FGGY: variants seen among roughly 807,000 people sequenced by gnomAD.
The protein encoded by FGGY is FGGY carbohydrate kinase domain-containing protein.
FGGY carries 72 observed loss-of-function variants against 71.3 expected under a neutral mutation model. The observed-to-expected ratio is 1.01, with a 90% confidence interval of 0.84 to 1.23. FGGY has a LOEUF of 1.23. Among genes scored for constraint, FGGY ranks in the 50% most tolerant of loss-of-function variants. The pLI is 0.00. For missense variants in FGGY, 668 were observed against 682.3 expected (o/e 0.98, Z 0.23); for synonymous variants, 251 against 250.3 (o/e 1.00, Z -0.02).
intron 14 of FGGY, among the ~76,000 whole-genome samples, chr1:59,740,108 G>T (rs1485616218): frequency 6.6e-6 from 1 of 152,208 alleles, no homozygotes; most frequent in Non-Finnish European, 1.5e-5. Flanking sequence ...CTAAGAGGTT[G>T]TAATGGCTCC....
intron 4 of FGGY, among the ~76,000 whole-genome samples, chr1:59,365,430 C>G (rs187224095): frequency 1.3e-5 from 2 of 152,340 alleles, no homozygotes; most frequent in Admixed American, 1.3e-4. Flanking sequence ...CCAAAGCCTT[C>G]TCTTCCTATT....
chr1:59,746,156 GA>G (rs2098195395), intron 14 of FGGY, among the ~76,000 whole-genome samples: 1 of 152,192 alleles, frequency 6.6e-6, no homozygotes, highest in East Asian at 1.9e-4. Flanking sequence ...CATAGGGACA[GA>G]AACAAGAGGC....
intron 4 of FGGY, among the ~76,000 whole-genome samples, chr1:59,365,148 G>A (rs916850540): frequency 2.0e-5 from 3 of 152,198 alleles, no homozygotes; most frequent in Non-Finnish European, 2.9e-5. Context: ...GTTATTCAGC[G>A]TGTAGTTGGT....
chr1:59,394,266 A>G lies in FGGY; in HGVS notation c.554+15429A>G, dbSNP rs1182755175. On this transcript the variant is annotated intron_variant, in intron 5 of 15. Coordinates refer to ENST00000303721, the MANE Select transcript of FGGY (RefSeq NM_018291.5). ...TGTTTTTAAACTTTTTTCTTACTGTAAATAAATATCACTATTGTACTTAAT... is the reference window on the plus strand; with the variant it reads ...TGTTTTTAAACTTTTTTCTTACTGTGAATAAATATCACTATTGTACTTAAT... 6.6e-5 allele frequency among the ~76,000 whole-genome samples: 10 copies of G among 152,234 alleles called. No individual in the cohort carries two copies. In the East Asian group the frequency reaches 1.9e-3, roughly 29 times the overall value.
At chr1:59,444,472 A>T (rs1212242888) in intron 5 of FGGY, among the ~76,000 whole-genome samples, 1 of 152,084 alleles carries the variant, frequency 6.6e-6, no homozygotes, top group East Asian at 1.9e-4. Flanking sequence ...AACTGTAGTC[A>T]TCTTACAGTG....
chr1:59,448,336 AAAG>A (rs1175945772), intron 5 of FGGY, among the ~76,000 whole-genome samples: 3 of 152,134 alleles, frequency 2.0e-5, no homozygotes, highest in Admixed American at 6.5e-5. Context: ...TTGAAATAGG[AAAG>A]AAGGTCTGCT....
chr1:59,699,236 A>G, intron 14 of FGGY: 1 of 985,336 alleles, frequency 1.0e-6, no homozygotes, highest in Non-Finnish European at 1.2e-6. Context: ...TGGCTAAAAA[A>G]TGATATTTTT....
At chr1:59,687,426 A>G (rs2097552416) in intron 14 of FGGY, among the ~76,000 whole-genome samples, 1 of 151,260 alleles carries the variant, frequency 6.6e-6, no homozygotes, top group African/African-American at 2.4e-5. Flanking sequence ...GGCTTCAACA[A>G]CCTGTTGGGC....
chr1:59,710,809 A>G (rs925579573), intron 14 of FGGY, among the ~76,000 whole-genome samples: 22 of 152,158 alleles, frequency 1.4e-4, no homozygotes, highest in Non-Finnish European at 1.2e-4. Flanking sequence ...TGGAGAGGAT[A>G]TGGAGAAATA....
At chr1:59,418,523 G>A (rs1423201454) in intron 5 of FGGY, among the ~76,000 whole-genome samples, 6 of 152,114 alleles carry the variant, frequency 3.9e-5, no homozygotes, top group Admixed American at 3.3e-4. Flanking sequence ...GGGCATAGGC[G>A]ATGAGGCAAG....
chr1:59,576,741 C>T (rs971611940), intron 8 of FGGY, among the ~76,000 whole-genome samples: 2 of 150,974 alleles, frequency 1.3e-5, no homozygotes, highest in Non-Finnish European at 3.0e-5. Flanking sequence ...AGTAAATGAT[C>T]TTCCAAAGCA....
intron 6 of FGGY, among the ~76,000 whole-genome samples, chr1:59,503,506 T>C (rs1015653279): frequency 8.0e-5 from 12 of 150,936 alleles, no homozygotes; most frequent in Admixed American, 7.9e-4. Context: ...ATCTTGCCAC[T>C]GTAGCATCTG....
intron 5 of FGGY, among the ~76,000 whole-genome samples, chr1:59,420,286 C>T (rs570862531): frequency 6.6e-6 from 1 of 152,138 alleles, no homozygotes; most frequent in East Asian, 1.9e-4. Flanking sequence ...GATCAATGTC[C>T]AGAGGGAATT....
chr1:59,328,501 A>G (rs2047841838), intron 2 of FGGY, among the ~76,000 whole-genome samples: 1 of 152,220 alleles, frequency 6.6e-6, no homozygotes, highest in Admixed American at 6.5e-5. Context: ...TCTTCTATCT[A>G]GACCACTCAA....
intron 2 of FGGY, among the ~76,000 whole-genome samples, chr1:59,326,318 T>C (rs1286035002): frequency 6.6e-6 from 1 of 152,188 alleles, no homozygotes; most frequent in East Asian, 1.9e-4. Context: ...AAAGTACCAT[T>C]TTGTTCTGTC....
rs200794536 is a variant in FGGY, at chr1:59,612,337, A to G, written c.1011+4427A>G. On this transcript the variant is annotated intron_variant, in intron 9 of 15. Transcript: ENST00000303721. Reference sequence around the variant, plus strand: ...ACAAGCCAGAAGAGAGTGGGGGCCAATATTCAACATTCTTAAAGAAAAGAA... The same window carrying G: ...ACAAGCCAGAAGAGAGTGGGGGCCAGTATTCAACATTCTTAAAGAAAAGAA... Among the ~76,000 whole-genome samples the G allele has an allele frequency of 1.4e-3, 211 of 152,356 alleles. 3 individuals carry two copies. In the East Asian group the frequency reaches 0.038, roughly 27 times the overall value.
chr1:59,595,122 C>T (rs986804949), intron 8 of FGGY, among the ~76,000 whole-genome samples: 11 of 152,214 alleles, frequency 7.2e-5, no homozygotes, highest in African/African-American at 2.7e-4. Flanking sequence ...AATCCCCATT[C>T]TGCTACTTGG....
At chr1:59,506,412 G>T (rs2094383771) in intron 6 of FGGY, among the ~76,000 whole-genome samples, 1 of 151,780 alleles carries the variant, frequency 6.6e-6, no homozygotes, top group South Asian at 2.1e-4. Flanking sequence ...ATTTATCTTG[G>T]AGTTCCAAAT....
intron 4 of FGGY, among the ~76,000 whole-genome samples, chr1:59,376,680 G>C (rs1427774952): frequency 6.6e-6 from 1 of 152,166 alleles, no homozygotes; most frequent in Non-Finnish European, 1.5e-5. Flanking sequence ...AGTTCCTACT[G>C]TGTGTTACCC....
Sources: allele counts gnomAD v4.1 joint callset (sites outside exome capture counted in the v4.1 genomes callset), GRCh38; gene constraint gnomAD v4.1.1; transcripts MANE v1.5; gene names NCBI Gene and HGNC (gene_info 2026-07-23, HGNC 2026-07-21).